The following GRXCR1 variants were observed in gnomAD, a reference collection of about 807,000 sequenced individuals.
GRXCR1 encodes the protein glutaredoxin domain-containing cysteine-rich protein 1.
Under a neutral mutation model 27.3 loss-of-function variants are expected in GRXCR1, and 27 were observed. The observed-to-expected ratio is 0.99, with a 90% CI of 0.73 to 1.37. The LOEUF is 1.37. GRXCR1 is among the 40% of genes most tolerant of loss of function. The pLI, the probability that GRXCR1 is intolerant of heterozygous loss-of-function variation, is 0.00. For synonymous variants in GRXCR1, 122 were observed against 131.1 expected (o/e 0.93, Z 0.47); for missense variants, 379 against 354.4 (o/e 1.07, Z -0.56).
At chr4:43,000,150 A>C (rs1205611267) in intron 2 of GRXCR1, among the ~76,000 whole-genome samples, 4 of 152,184 alleles carry the variant, frequency 2.6e-5, no homozygotes, top group Non-Finnish European at 5.9e-5. Flanking sequence ...CAGTGTCTCC[A>C]CACTATACAT....
In GRXCR1 at chr4:42,913,304, G is replaced by C. The variant is rs568933884; in HGVS notation, c.384+19654G>C. Among the ~76,000 whole-genome samples, 165 of 152,286 alleles carry C rather than the reference G, an allele frequency of 1.1e-3. 1 individual carries two copies. Among genetic ancestry groups the C allele is most frequent in the African/African-American group, 3.8e-3 (156 of 41,576 alleles). On this transcript the variant is annotated intron_variant, in intron 1 of 3. Coordinates refer to ENST00000399770, the MANE Select transcript of GRXCR1 (RefSeq NM_001080476.3). ...GTAGGAAAGTTTGGAACTTCTTAGA[G>C]ACTTGTTGAATGGTTTTGACCAAAA...
intron 1 of GRXCR1, among the ~76,000 whole-genome samples, chr4:42,899,421 C>A (rs1336384497): frequency 6.6e-6 from 1 of 152,126 alleles, no homozygotes; most frequent in Non-Finnish European, 1.5e-5. Flanking sequence ...TGGAGGAACT[C>A]AGAAACAAAA....
intron 1 of GRXCR1, among the ~76,000 whole-genome samples, chr4:42,946,322 C>T (rs1747743791): frequency 6.6e-6 from 1 of 152,018 alleles, no homozygotes; most frequent in Admixed American, 6.6e-5. Context: ...ATTTTGTTGG[C>T]TTGCTTATTT....
At chr4:43,005,685 A>G (rs995837610) in intron 2 of GRXCR1, among the ~76,000 whole-genome samples, 4 of 152,074 alleles carry the variant, frequency 2.6e-5, no homozygotes, top group Non-Finnish European at 5.9e-5. Flanking sequence ...AGCAGGAAGT[A>G]CTCCTTGGAA....
intron 2 of GRXCR1, among the ~76,000 whole-genome samples, chr4:42,976,044 C>T (rs897606702): frequency 1.2e-4 from 18 of 152,098 alleles, no homozygotes; most frequent in African/African-American, 3.1e-4. Flanking sequence ...TTGATTGTCA[C>T]ATTTACCCAT....
chr4:43,002,729 T>A (rs1189093063), intron 2 of GRXCR1, among the ~76,000 whole-genome samples: 1 of 151,632 alleles, frequency 6.6e-6, no homozygotes, highest in Non-Finnish European at 1.5e-5. Context: ...TCCTTCTTCC[T>A]GTACCCTTTT....
At chr4:42,895,394 A>C (rs1746325890) in intron 1 of GRXCR1, among the ~76,000 whole-genome samples, 1 of 152,144 alleles carries the variant, frequency 6.6e-6, no homozygotes, top group African/African-American at 2.4e-5. Context: ...AATCAGATCT[A>C]TCCCTCCCAA....
chr4:42,893,602 A>C lies in GRXCR1; in HGVS notation c.336A>C (p.Lys112Asn). Residue 112 changes from lysine to asparagine, a missense_variant, in exon 1 of 4, where the codon AAA (lysine) becomes AAC (asparagine). Lys to Asn is a moderately conservative substitution (Grantham distance 94). Coordinates refer to ENST00000399770, the MANE Select transcript of GRXCR1 (RefSeq NM_001080476.3). ...GCACAGTCAGAGGCGTCAAATACAA[A>C]GTGAGTGCTGGCCAGGCTCTATTTA... ...KNGTVRGVKY[K>N]VSAGQALFNN... 1.2e-6 allele frequency: 2 copies of C among 1,613,690 alleles called. No individual in the cohort carries two copies. The highest frequency in any genetic ancestry group is 1.7e-6 in the Non-Finnish European group (2 of 1,179,776).
intron 1 of GRXCR1, among the ~76,000 whole-genome samples, chr4:42,912,341 G>A (rs1487594921): frequency 1.3e-5 from 2 of 152,218 alleles, no homozygotes; most frequent in South Asian, 4.1e-4. Context: ...AGGACCTGAA[G>A]ATAATCAGGT....
chr4:42,958,086 G>T (rs1748048750), intron 1 of GRXCR1, among the ~76,000 whole-genome samples: 2 of 152,082 alleles, frequency 1.3e-5, no homozygotes, highest in African/African-American at 2.4e-5. Flanking sequence ...AGTATTCAAA[G>T]GGAATTGAAT....
intron 1 of GRXCR1, among the ~76,000 whole-genome samples, chr4:42,922,942 T>C (rs1402156257): frequency 3.9e-5 from 6 of 152,078 alleles, no homozygotes; most frequent in Admixed American, 3.9e-4. Context: ...ACTGTGCCCT[T>C]CCATCACCTT....
chr4:42,905,552 T>C (rs1280291277), intron 1 of GRXCR1, among the ~76,000 whole-genome samples: 2 of 152,182 alleles, frequency 1.3e-5, no homozygotes, highest in Non-Finnish European at 2.9e-5. Context: ...CGTGGCTTTA[T>C]ATATGATAAA....
chr4:42,987,232 T>TATATATATAATATATATA (rs1711779421), intron 2 of GRXCR1, among the ~76,000 whole-genome samples: 1 of 86,644 alleles, frequency 1.2e-5, no homozygotes, highest in African/African-American at 4.6e-5. Context: ...TTATATATTA[T>TATATATATAATATATATA]ATATATATAA....
In GRXCR1 at chr4:42,903,308, ATTTTTTT is replaced by A. The variant is rs35512711; in HGVS notation, c.384+9680_384+9686del. Among the ~76,000 whole-genome samples the A allele has an allele frequency of 1.3e-4, 8 of 63,176 alleles. 1 individual carries two copies. Among genetic ancestry groups the A allele is most frequent in the African/African-American group, 4.3e-4 (8 of 18,626 alleles). The allele number at this position is 63,176 out of a possible 152,430, so 41.4% of individuals were successfully genotyped here. On this transcript the variant is annotated intron_variant, in intron 1 of 3. Transcript: ENST00000399770. ...AAAAATTTGGGCCACAGCTTTGTAGATTTTTTTTTTTTTTTTTTTTTTTTTTTTAGAC... is the reference window on the plus strand; with the variant it reads ...AAAAATTTGGGCCACAGCTTTGTAGATTTTTTTTTTTTTTTTTTTTTAGAC...
At chr4:42,949,573 G>A (rs1394361958) in intron 1 of GRXCR1, among the ~76,000 whole-genome samples, 1 of 152,072 alleles carries the variant, frequency 6.6e-6, no homozygotes, top group Non-Finnish European at 1.5e-5. Flanking sequence ...ACTTCTCTGT[G>A]CCCCAGGTTT....
Position 42,975,534 on chromosome 4 carries a change from G to A in GRXCR1, c.627+12400G>A, listed in dbSNP as rs77952218. On this transcript the variant is annotated intron_variant, in intron 2 of 3. Transcript: ENST00000399770. Reference sequence around the variant, plus strand: ...AAGGACTCTTTCCAAGGGCTGGAGGGAAGCCTTTAACAGATGTCTCTTCCA... The same window carrying A: ...AAGGACTCTTTCCAAGGGCTGGAGGAAAGCCTTTAACAGATGTCTCTTCCA... Among the ~76,000 whole-genome samples the A allele has an allele frequency of 3.3e-4, 50 of 152,186 alleles. No individual in the cohort carries two copies. The East Asian group carries it at 8.1e-3, about 25-fold the overall frequency.
At chr4:43,013,892 T>C (rs563039604) in intron 2 of GRXCR1, among the ~76,000 whole-genome samples, 17 of 152,226 alleles carry the variant, frequency 1.1e-4, no homozygotes, top group African/African-American at 4.1e-4. Context: ...AACATCTAGT[T>C]TGATAATATG....
rs114376354 is a variant in GRXCR1, at chr4:43,028,794, G to C, written c.694-1567G>C. On this transcript the variant is annotated intron_variant, in intron 3 of 3. Coordinates refer to ENST00000399770, the MANE Select transcript of GRXCR1 (RefSeq NM_001080476.3). ...TAAGTCAATTCTTGCACAAAGAAATGACAAAAATCCATCAACAAAGTGACC... is the reference window on the plus strand; with the variant it reads ...TAAGTCAATTCTTGCACAAAGAAATCACAAAAATCCATCAACAAAGTGACC... Among the ~76,000 whole-genome samples the C allele has an allele frequency of 4.9e-3, 750 of 152,116 alleles. 10 individuals carry two copies. The highest frequency in any genetic ancestry group is 0.015 in the African/African-American group (640 of 41,510).
intron 1 of GRXCR1, among the ~76,000 whole-genome samples, chr4:42,897,264 T>A (rs1311800556): frequency 1.3e-5 from 2 of 152,110 alleles, no homozygotes; most frequent in Admixed American, 6.6e-5. Context: ...CTGCTTATTT[T>A]TGATAATTTA....
Sources: gnomAD v4.1 joint callset for allele counts (sites outside exome capture counted in the v4.1 genomes callset) on GRCh38, gnomAD v4.1.1 for gene constraint, MANE v1.5 for transcripts, NCBI Gene and HGNC (gene_info 2026-07-23, HGNC 2026-07-21) for gene names.